FRK: variants seen among roughly 807,000 people sequenced by gnomAD.
The protein encoded by FRK is tyrosine-protein kinase FRK.
Under a neutral mutation model 56.4 loss-of-function variants are expected in FRK, and 51 were observed. That is an observed-to-expected ratio of 0.90 (90% CI 0.72 to 1.14). The LOEUF (loss-of-function observed/expected upper bound fraction) is 1.14, where lower values mean the gene tolerates loss of function less well. Ranked by LOEUF, FRK falls within the 50% of genes most tolerant of loss-of-function variation. The pLI is 0.00. For missense variants in FRK, 570 were observed against 601.4 expected (o/e 0.95, Z 0.55); for synonymous variants, 245 against 217.9 (o/e 1.12, Z -1.10).
chr6:116,034,267 G>A (rs538903356), intron 1 of FRK, among the ~76,000 whole-genome samples: 8 of 152,172 alleles, frequency 5.3e-5, no homozygotes, highest in South Asian at 4.2e-4. Flanking sequence ...CTCCCAACAC[G>A]GAGAATTGAT....
chr6:115,945,576 G>A (rs1374660792), intron 5 of FRK, among the ~76,000 whole-genome samples: 1 of 152,012 alleles, frequency 6.6e-6, no homozygotes, highest in Non-Finnish European at 1.5e-5. Flanking sequence ...TGCATAATTT[G>A]TTTTAGTCAT....
chr6:115,993,982 T>C (rs183760193), intron 2 of FRK, among the ~76,000 whole-genome samples: 2 of 152,206 alleles, frequency 1.3e-5, no homozygotes, highest in Admixed American at 6.6e-5. Flanking sequence ...TTTCAGTGAA[T>C]TATGTCTCAA....
the FRK span, among the ~76,000 whole-genome samples, chr6:116,080,518 G>A: frequency 1.8e-3 from 274 of 152,244 alleles, 1 homozygote; most frequent in African/African-American, 6.3e-3. Context: ...ATTTGCCTAC[G>A]CAAAAATGTT....
At chr6:116,043,422 G>A (rs1367192759) in intron 1 of FRK, among the ~76,000 whole-genome samples, 3 of 152,120 alleles carry the variant, frequency 2.0e-5, no homozygotes, top group African/African-American at 4.8e-5. Context: ...TAGAACTCAG[G>A]ATTAAGAAAC....
intron 2 of FRK, among the ~76,000 whole-genome samples, chr6:115,996,827 A>ATTTTTCATTGTGGCTTTTTC (rs1402286835): frequency 2.6e-5 from 4 of 152,214 alleles, no homozygotes; most frequent in African/African-American, 9.6e-5. Context: ...ACAATGAAAA[A>ATTTTTCATTGTGGCTTTTTC]GCCACTCAAA....
chr6:115,970,739 A>C (rs1773778389), intron 2 of FRK, among the ~76,000 whole-genome samples: 1 of 152,058 alleles, frequency 6.6e-6, no homozygotes, highest in Non-Finnish European at 1.5e-5. Context: ...CTCAACAAAA[A>C]ATAATAATAA....
chr6:115,937,801 A>G lies in FRK; in HGVS notation c.*4613T>C, dbSNP rs1330933291. 1 of 152,224 alleles carries G rather than the reference A, an allele frequency of 6.6e-6. No homozygotes were observed. The highest frequency in any genetic ancestry group is 2.4e-5 in the African/African-American group (1 of 41,454). The allele number at this position is 152,224 out of a possible 1,614,324, so 9.4% of individuals were successfully genotyped here. On this transcript the variant is annotated 3_prime_UTR_variant, in exon 8 of 8. Coordinates refer to ENST00000606080, the MANE Select transcript of FRK (RefSeq NM_002031.3). ...ACTATCCTAAATATATATACACCCA[A>G]TACAGAAGCACCCAGATTCATAAAG...
At chr6:116,066,542 G>T in the FRK span, among the ~76,000 whole-genome samples, 1 of 152,042 alleles carries the variant, frequency 6.6e-6, no homozygotes, top group African/African-American at 2.4e-5. Context: ...AATAATCTTT[G>T]TATAATATCA....
chr6:116,043,906 A>C (rs1432483965), intron 1 of FRK, among the ~76,000 whole-genome samples: 1 of 152,206 alleles, frequency 6.6e-6, no homozygotes, highest in Non-Finnish European at 1.5e-5. Context: ...AGGGGATATC[A>C]CCACTGATCC....
the FRK span, among the ~76,000 whole-genome samples, chr6:116,079,560 T>C: frequency 6.6e-6 from 1 of 151,842 alleles, no homozygotes. Flanking sequence ...TTTAAAATGT[T>C]TTTTATGGAT....
chr6:115,987,061 T>C (rs1322576952), intron 2 of FRK, among the ~76,000 whole-genome samples: 1 of 152,124 alleles, frequency 6.6e-6, no homozygotes, highest in East Asian at 1.9e-4. Context: ...AATCTCTTCA[T>C]AGGCCATGGA....
intron 1 of FRK, among the ~76,000 whole-genome samples, chr6:116,052,510 T>A (rs1390865803): frequency 2.6e-5 from 4 of 152,122 alleles, no homozygotes; most frequent in Non-Finnish European, 5.9e-5. Context: ...GAGCAATGGC[T>A]CACCTTTCCA....
At chr6:116,046,390 A>G (rs1259356214) in intron 1 of FRK, among the ~76,000 whole-genome samples, 1 of 152,260 alleles carries the variant, frequency 6.6e-6, no homozygotes, top group Non-Finnish European at 1.5e-5. Context: ...CCAAATGCCC[A>G]TCAGTGATAG....
the FRK span, among the ~76,000 whole-genome samples, chr6:116,073,781 A>G: frequency 6.6e-6 from 1 of 152,198 alleles, no homozygotes; most frequent in Non-Finnish European, 1.5e-5. Flanking sequence ...AATTCCCATA[A>G]CAGCAAAGAG....
chr6:116,087,245 A>G, the FRK span, among the ~76,000 whole-genome samples: 1 of 152,260 alleles, frequency 6.6e-6, no homozygotes, highest in African/African-American at 2.4e-5. Context: ...CCTGGCACGC[A>G]GTATATTCTC....
At chr6:116,082,268 GA>G in the FRK span, among the ~76,000 whole-genome samples, 1 of 152,196 alleles carries the variant, frequency 6.6e-6, no homozygotes, top group African/African-American at 2.4e-5. Flanking sequence ...GTTGCACCAT[GA>G]TGACCTTAGA....
intron 2 of FRK, among the ~76,000 whole-genome samples, chr6:115,973,488 A>C (rs1773882222): frequency 6.6e-6 from 1 of 152,126 alleles, no homozygotes; most frequent in Non-Finnish European, 1.5e-5. Flanking sequence ...GCAAACCACC[A>C]TGGCACGCGT....
the FRK span, among the ~76,000 whole-genome samples, chr6:116,073,360 T>C: frequency 6.6e-6 from 1 of 152,280 alleles, no homozygotes; most frequent in Admixed American, 6.5e-5. Context: ...TAGAGAAATA[T>C]TTATTTTCTT....
intron 5 of FRK, among the ~76,000 whole-genome samples, chr6:115,955,971 C>T (rs1364355810): frequency 6.6e-6 from 1 of 152,132 alleles, no homozygotes; most frequent in Admixed American, 6.5e-5. Flanking sequence ...TCTTATGTTG[C>T]CTAGCAGTGG....
Sources: gnomAD v4.1 joint callset for allele counts (sites outside exome capture counted in the v4.1 genomes callset) on GRCh38, gnomAD v4.1.1 for gene constraint, MANE v1.5 for transcripts, NCBI Gene and HGNC (gene_info 2026-07-23, HGNC 2026-07-21) for gene names.